Variants in CHMP4B observed in about 807,000 individuals in gnomAD.
The protein encoded by CHMP4B is charged multivesicular body protein 4B.
In CHMP4B, 1 loss-of-function variant was observed where a neutral mutation model predicts 25.1. The ratio of observed to expected loss-of-function variants is 0.04; its 90% CI spans 0.01 to 0.19. The LOEUF is 0.19. Ranked by LOEUF, CHMP4B falls within the 10% of genes least tolerant of loss-of-function variation. The probability of loss-of-function intolerance (pLI) is 1.00; values close to 1 mark genes in which losing one functional copy is unlikely to be tolerated. For synonymous variants in CHMP4B, 101 were observed against 115.6 expected, an observed-to-expected ratio of 0.87 and a Z score of 0.81; for missense variants, 151 against 289.7, an observed-to-expected ratio of 0.52 and a Z score of 3.48.
rs1221627680 is a variant in CHMP4B, at chr20:33,811,381, T to C, written c.-88T>C. 8.7e-7 allele frequency: 1 copy of C among 1,149,638 alleles called. No individual in the cohort carries two copies. The highest frequency in any genetic ancestry group is 1.1e-6 in the Non-Finnish European group (1 of 905,452). 71.2% of individuals were successfully genotyped at this position (1,149,638 alleles called of 1,614,324 possible). ...CTGCGGCGGCAGGGAGCGGCGGGAC[T>C]GGGAGCGGGCGCCGGAGCCGACCCG... On this transcript the variant is annotated 5_prime_UTR_variant, in exon 1 of 5. Coordinates refer to ENST00000217402, the MANE Select transcript of CHMP4B (RefSeq NM_176812.5).
At position 33,852,106 on chromosome 20, in the gene CHMP4B, A is replaced by G. The variant is rs1041613864; in HGVS notation, c.513A>G (p.Leu171=). The change falls in exon 4 of 5, where the codon CTA becomes CTG. Residue 171 remains leucine, a synonymous_variant. Transcript: ENST00000217402. ...AGCTCATGGCGGAATTAGAAGAACTAGAACAGGAGGAACTAGACAAGAATT... is the reference window on the plus strand; with the variant it reads ...AGCTCATGGCGGAATTAGAAGAACTGGAACAGGAGGAACTAGACAAGAATT... ...EDELMAELEE[L]EQEELDKNLL... The G allele has an allele frequency of 3.1e-6, 5 of 1,614,268 alleles. No individual in the cohort carries two copies. The highest frequency in any genetic ancestry group is 2.2e-5 in the East Asian group (1 of 44,886).
chr20:33,822,854 G>T (rs1978980924), intron 1 of CHMP4B, among the ~76,000 whole-genome samples: 1 of 152,088 alleles, frequency 6.6e-6, no homozygotes, highest in South Asian at 2.1e-4. Context: ...GAGTGCAGCG[G>T]TGCGATCTTG....
intron 1 of CHMP4B, among the ~76,000 whole-genome samples, chr20:33,829,143 C>T (rs1427002616): frequency 1.3e-5 from 2 of 152,176 alleles, no homozygotes; most frequent in African/African-American, 2.4e-5. Context: ...AGGGAGAAAG[C>T]GAGAAGAGCT....
At chr20:33,840,529 C>G (rs2122805349) in intron 1 of CHMP4B, among the ~76,000 whole-genome samples, 1 of 152,256 alleles carries the variant, frequency 6.6e-6, no homozygotes, top group Non-Finnish European at 1.5e-5. Context: ...CTACTGATAC[C>G]AAGCCTCATA....
chr20:33,850,943 C>A lies in CHMP4B; in HGVS notation c.369-9C>A. 6.3e-7 allele frequency: 1 copy of A among 1,576,510 alleles called. No individual in the cohort carries two copies. The highest frequency in any genetic ancestry group is 8.7e-7 in the Non-Finnish European group (1 of 1,145,984). ...CGATTGATATGATACCTGTCCATTG[C>A]ATTTGAAGGGACATCGATAAAGTTG... On this transcript the variant is annotated splice_polypyrimidine_tract_variant and intron_variant, in intron 2 of 4. Transcript: ENST00000217402.
At position 33,811,640 on chromosome 20, in the gene CHMP4B, G is replaced by T; in HGVS notation, c.172G>T (p.Gly58Cys). ...GGAGCTGACGGCCGCCAAGAAGCAC[G>T]GCACCAAAAACAAGCGCGGTGAGGC... Reference protein sequence around the residue: ...EQELTAAKKHGTKNKRAALQA... With the variant: ...EQELTAAKKHCTKNKRAALQA... The change falls in exon 1 of 5, where the codon GGC (glycine) becomes TGC (cysteine). Residue 58 changes from glycine to cysteine, a missense_variant. Gly to Cys is a radical substitution (Grantham distance 159, BLOSUM62 -3). Transcript: ENST00000217402. 6.2e-7 allele frequency: 1 copy of T among 1,613,762 alleles called. No homozygotes were observed. Among genetic ancestry groups the T allele is most frequent in the Non-Finnish European group, 8.5e-7 (1 of 1,179,890 alleles).
chr20:33,817,695 T>TA (rs895794397), intron 1 of CHMP4B, among the ~76,000 whole-genome samples: 1 of 152,218 alleles, frequency 6.6e-6, no homozygotes, highest in Non-Finnish European at 1.5e-5. Context: ...TATGAAAACT[T>TA]AGTCTTCTTG....
At chr20:33,846,790 G>A (rs1979701752) in intron 1 of CHMP4B, among the ~76,000 whole-genome samples, 1 of 152,202 alleles carries the variant, frequency 6.6e-6, no homozygotes, top group African/African-American at 2.4e-5. Flanking sequence ...ATGGGGGAGT[G>A]TGCATGCTGA....
intron 4 of CHMP4B, 24 bp from the exon 5 acceptor site, chr20:33,853,472 A>G (rs1192495612): frequency 1.2e-6 from 2 of 1,611,932 alleles, no homozygotes; most frequent in Non-Finnish European, 1.7e-6. Context: ...GTCATCCTAA[A>G]TAGCCTTTTC....
At chr20:33,823,683 G>A (rs1230960565) in intron 1 of CHMP4B, among the ~76,000 whole-genome samples, 2 of 152,086 alleles carry the variant, frequency 1.3e-5, no homozygotes, top group Admixed American at 6.5e-5. Context: ...GATCATAGGC[G>A]TGTGCCACCA....
At chr20:33,814,822 AT>A (rs142679862) in intron 1 of CHMP4B, among the ~76,000 whole-genome samples, 1 of 151,056 alleles carries the variant, frequency 6.6e-6, no homozygotes, top group Non-Finnish European at 1.5e-5. Flanking sequence ...AATTCAAAAC[AT>A]TTTTTTTTGT....
chr20:33,838,254 T>C (rs931007465), intron 1 of CHMP4B, among the ~76,000 whole-genome samples: 4 of 152,206 alleles, frequency 2.6e-5, no homozygotes, highest in African/African-American at 9.7e-5. Context: ...CAAGGGATTA[T>C]ATCAGATAAC....
chr20:33,849,951 A>G (rs540907840), intron 2 of CHMP4B, among the ~76,000 whole-genome samples: 21 of 151,986 alleles, frequency 1.4e-4, no homozygotes, highest in Non-Finnish European at 2.5e-4. Context: ...AATTTTTAAA[A>G]TTTTCTGCAG....
chr20:33,848,413 A>G, intron 1 of CHMP4B, 54 bp from the exon 2 acceptor site: 1 of 1,587,702 alleles, frequency 6.3e-7, no homozygotes, highest in Non-Finnish European at 8.6e-7. Flanking sequence ...CAGTGACACT[A>G]GAACCTCACC....
chr20:33,836,958 A>G (rs780307788), intron 1 of CHMP4B, among the ~76,000 whole-genome samples: 6 of 152,182 alleles, frequency 3.9e-5, no homozygotes, highest in Non-Finnish European at 7.3e-5. Flanking sequence ...AAGAGTCTGG[A>G]TTTGAATCCT....
intron 1 of CHMP4B, among the ~76,000 whole-genome samples, chr20:33,823,913 C>G (rs943480617): frequency 6.6e-6 from 1 of 152,082 alleles, no homozygotes; most frequent in Non-Finnish European, 1.5e-5. Flanking sequence ...TGGGCTCAAG[C>G]AGTCTTCCCA....
chr20:33,836,752 G>A (rs886282950), intron 1 of CHMP4B, among the ~76,000 whole-genome samples: 2 of 152,076 alleles, frequency 1.3e-5, no homozygotes, highest in African/African-American at 2.4e-5. Context: ...GAAGTTGCTG[G>A]GCTCTGCCTG....
intron 1 of CHMP4B, among the ~76,000 whole-genome samples, chr20:33,818,196 T>TA (rs1978833943): frequency 6.6e-6 from 1 of 152,210 alleles, no homozygotes; most frequent in African/African-American, 2.4e-5. Context: ...AGTAAGGCTA[T>TA]AAAGATGGAT....
Position 33,811,405 on chromosome 20 carries a change from C to T in CHMP4B, c.-64C>T. 1 of 1,314,330 alleles carries T rather than the reference C, an allele frequency of 7.6e-7. No individual in the cohort carries two copies. The highest frequency in any genetic ancestry group is 3.2e-5 in the East Asian group (1 of 31,444). 81.4% of individuals were successfully genotyped at this position (1,314,330 alleles called of 1,614,324 possible). ...CTGGGAGCGGGCGCCGGAGCCGACC[C>T]GAGCCGAGCCGAGCCGAGCCGAGCC... On this transcript the variant is annotated 5_prime_UTR_variant, in exon 1 of 5. Coordinates refer to ENST00000217402, the MANE Select transcript of CHMP4B (RefSeq NM_176812.5).
Sources: allele counts gnomAD v4.1 joint callset (sites outside exome capture counted in the v4.1 genomes callset), GRCh38; gene constraint gnomAD v4.1.1; transcripts MANE v1.5; gene names NCBI Gene and HGNC (gene_info 2026-07-23, HGNC 2026-07-21).